The following NPAS2 variants were observed in gnomAD, a reference collection of about 807,000 sequenced individuals.
NPAS2 encodes the protein neuronal PAS domain-containing protein 2.
Under a neutral mutation model 107.5 loss-of-function variants are expected in NPAS2, and 23 were observed. The observed-to-expected ratio is 0.21, with a 90% CI of 0.15 to 0.30. The LOEUF (loss-of-function observed/expected upper bound fraction) is 0.30, where lower values mean the gene tolerates loss of function less well. Ranked by LOEUF, NPAS2 falls within the 10% of genes least tolerant of loss-of-function variation. NPAS2 has a pLI of 1.00. For synonymous variants in NPAS2, 403 were observed against 417.5 expected (o/e 0.97, Z 0.42); for missense variants, 756 against 1,043.3 (o/e 0.72, Z 3.79).
chr2:100,962,359 G>A (rs1237158004), intron 7 of NPAS2, among the ~76,000 whole-genome samples: 5 of 152,108 alleles, frequency 3.3e-5, no homozygotes, highest in Non-Finnish European at 7.4e-5. Context: ...AGAAAATCTT[G>A]CAGATTTCAT....
chr2:100,931,414 C>T (rs534015182), intron 3 of NPAS2, among the ~76,000 whole-genome samples: 4 of 151,576 alleles, frequency 2.6e-5, no homozygotes, highest in Non-Finnish European at 5.9e-5. Context: ...CTGGTGGAGA[C>T]GAGCACTGCT....
At chr2:100,859,752 G>A (rs1350657337) in intron 1 of NPAS2, among the ~76,000 whole-genome samples, 1 of 152,172 alleles carries the variant, frequency 6.6e-6, no homozygotes, top group Non-Finnish European at 1.5e-5. Context: ...TGGGAAAGCG[G>A]TAAGGGTGGG....
At chr2:100,888,884 G>T (rs1680877651) in intron 1 of NPAS2, among the ~76,000 whole-genome samples, 1 of 152,134 alleles carries the variant, frequency 6.6e-6, no homozygotes, top group South Asian at 2.1e-4. Flanking sequence ...TCGGGCCAGT[G>T]GGTGAATTAT....
At chr2:100,825,979 G>A (rs1676348907) in intron 1 of NPAS2, among the ~76,000 whole-genome samples, 1 of 152,182 alleles carries the variant, frequency 6.6e-6, no homozygotes, top group African/African-American at 2.4e-5. Context: ...TTGAACATGT[G>A]TGAGATCATG....
chr2:100,876,771 G>A (rs916261244), intron 1 of NPAS2, among the ~76,000 whole-genome samples: 1 of 152,072 alleles, frequency 6.6e-6, no homozygotes, highest in African/African-American at 2.4e-5. Context: ...AACAGGTCCC[G>A]GAGCCATGCA....
intron 2 of NPAS2, among the ~76,000 whole-genome samples, chr2:100,915,073 A>C (rs1199134109): frequency 1.3e-5 from 2 of 152,222 alleles, no homozygotes; most frequent in East Asian, 3.8e-4. Context: ...GTGCAAGGTT[A>C]AATCTGCCCT....
At position 100,852,207 on chromosome 2, in the gene NPAS2, T is replaced by C. The variant is rs562999013; in HGVS notation, c.-23+31793T>C. On this transcript the variant is annotated intron_variant, in intron 1 of 20. Transcript: ENST00000335681. ...GTCAGGAGATCAAGACCATCCTGGC[T>C]AACACGGTGAAACCCCGTCTCTCCT... Among the ~76,000 whole-genome samples the C allele has an allele frequency of 6.2e-4, 94 of 152,086 alleles. 1 individual carries two copies. Among genetic ancestry groups the C allele is most frequent in the Middle Eastern group, 3.4e-3 (1 of 294 alleles).
intron 2 of NPAS2, among the ~76,000 whole-genome samples, chr2:100,908,608 A>G (rs1682324085): frequency 6.6e-6 from 1 of 152,180 alleles, no homozygotes; most frequent in Non-Finnish European, 1.5e-5. Flanking sequence ...AAAGAAAGCA[A>G]TTATCTAACT....
chr2:100,871,084 T>G (rs1056968911), intron 1 of NPAS2, among the ~76,000 whole-genome samples: 2 of 152,198 alleles, frequency 1.3e-5, no homozygotes, highest in Admixed American at 1.3e-4. Flanking sequence ...TGCCATGCTC[T>G]AAGGCAGGGG....
intron 3 of NPAS2, among the ~76,000 whole-genome samples, chr2:100,930,428 A>G (rs1490781058): frequency 6.6e-6 from 1 of 152,118 alleles, no homozygotes; most frequent in Non-Finnish European, 1.5e-5. Flanking sequence ...GGAGTTGAGC[A>G]CTCTAGGAAA....
chr2:100,972,434 A>C (rs1676641150), intron 12 of NPAS2, among the ~76,000 whole-genome samples: 1 of 152,190 alleles, frequency 6.6e-6, no homozygotes, highest in Non-Finnish European at 1.5e-5. Context: ...GCGAATCCAG[A>C]GCCTTGGGCC....
rs1677126809 is a variant in NPAS2, at chr2:100,977,897, C to G, written c.1482+98C>G. The G allele has an allele frequency of 2.9e-6, 3 of 1,026,756 alleles. No homozygotes were observed. The East Asian group carries it at 7.3e-5, about 25-fold the overall frequency. 63.6% of individuals were successfully genotyped at this position (1,026,756 alleles called of 1,614,324 possible). On this transcript the variant is annotated intron_variant, in intron 15 of 20. Coordinates refer to ENST00000335681, the MANE Select transcript of NPAS2 (RefSeq NM_002518.4). ...GTACACTTAGGTCCCAACCAAGGCCCTGACGTGGGGGAATGTCCCTCCCAA... is the reference window on the plus strand; with the variant it reads ...GTACACTTAGGTCCCAACCAAGGCCGTGACGTGGGGGAATGTCCCTCCCAA...
At chr2:100,908,965 C>A (rs1221708156) in intron 2 of NPAS2, among the ~76,000 whole-genome samples, 1 of 152,152 alleles carries the variant, frequency 6.6e-6, no homozygotes, top group Non-Finnish European at 1.5e-5. Flanking sequence ...GTCTCAATGT[C>A]AATAAAGTGG....
chr2:100,915,306 C>T (rs1164524947), intron 2 of NPAS2, among the ~76,000 whole-genome samples: 1 of 152,072 alleles, frequency 6.6e-6, no homozygotes, highest in Non-Finnish European at 1.5e-5. Context: ...CAGATGAAAG[C>T]GCAGATGTAG....
intron 1 of NPAS2, among the ~76,000 whole-genome samples, chr2:100,849,541 A>G (rs1194884155): frequency 6.6e-6 from 1 of 152,038 alleles, no homozygotes; most frequent in Non-Finnish European, 1.5e-5. Context: ...ACCTTGAAAA[A>G]TCTCTGCCTC....
intron 19 of NPAS2, among the ~76,000 whole-genome samples, chr2:100,993,071 A>G (rs868303147): frequency 3.9e-5 from 6 of 152,122 alleles, no homozygotes; most frequent in Admixed American, 1.3e-4. Context: ...CTGGGACTAC[A>G]GGTGCCCAAC....
intron 16 of NPAS2, chr2:100,987,260 C>T (rs1458034500): frequency 6.6e-6 from 1 of 152,210 alleles, no homozygotes; most frequent in Non-Finnish European, 1.5e-5. Flanking sequence ...AAATCAAATA[C>T]ACCAAACTTA....
intron 1 of NPAS2, among the ~76,000 whole-genome samples, chr2:100,870,520 C>G (rs1035267497): frequency 1.3e-5 from 2 of 152,106 alleles, no homozygotes; most frequent in Non-Finnish European, 2.9e-5. Flanking sequence ...CTCCACCTCC[C>G]GAGTAGCTGG....
intron 2 of NPAS2, among the ~76,000 whole-genome samples, chr2:100,907,670 A>G (rs145338253): frequency 6.6e-6 from 1 of 151,702 alleles, no homozygotes; most frequent in African/African-American, 2.4e-5. Flanking sequence ...TGAGATCAAA[A>G]CTCTCATTGC....
Sources: allele counts gnomAD v4.1 joint callset (sites outside exome capture counted in the v4.1 genomes callset), GRCh38; gene constraint gnomAD v4.1.1; transcripts MANE v1.5; gene names NCBI Gene and HGNC (gene_info 2026-07-23, HGNC 2026-07-21).